The following MEIS2 variants were observed in gnomAD, a reference collection of about 807,000 sequenced individuals.
The protein encoded by MEIS2 is Meis homeobox 2, also known as homeobox protein Meis2.
Under a neutral mutation model 58.6 loss-of-function variants are expected in MEIS2, and 9 were observed. The ratio of observed to expected loss-of-function variants is 0.15; its 90% confidence interval spans 0.09 to 0.27. The LOEUF is 0.27. Ranked by LOEUF, MEIS2 falls within the 10% of genes least tolerant of loss-of-function variation. MEIS2 has a pLI of 1.00. For missense variants in MEIS2, 427 were observed against 635.0 expected, an observed-to-expected ratio of 0.67 and a Z score of 3.52; for synonymous variants, 221 against 228.4, an observed-to-expected ratio of 0.97 and a Z score of 0.29.
At chr15:37,039,705 T>G (rs1316049488) in intron 7 of MEIS2, among the ~76,000 whole-genome samples, 1 of 152,184 alleles carries the variant, frequency 6.6e-6, no homozygotes, top group Non-Finnish European at 1.5e-5. Flanking sequence ...AATTTTAATA[T>G]AAAGCAACCC....
intron 8 of MEIS2, among the ~76,000 whole-genome samples, chr15:36,967,706 A>G (rs1354939951): frequency 6.6e-6 from 1 of 152,138 alleles, no homozygotes; most frequent in Admixed American, 6.5e-5. Flanking sequence ...TAACCAAACC[A>G]CATTGTCTTC....
intron 8 of MEIS2, among the ~76,000 whole-genome samples, chr15:36,968,342 T>G (rs969209270): frequency 1.3e-5 from 2 of 152,308 alleles, no homozygotes; most frequent in Admixed American, 1.3e-4. Context: ...GGATCTTTGA[T>G]AAGCCTGTGG....
intron 7 of MEIS2, among the ~76,000 whole-genome samples, chr15:37,083,353 T>G (rs1596099503): frequency 6.6e-6 from 1 of 152,212 alleles, no homozygotes; most frequent in East Asian, 1.9e-4. Flanking sequence ...TTTTTAAATT[T>G]TATGTGCTTT....
chr15:36,896,286 T>A (rs1365980789), intron 10 of MEIS2, among the ~76,000 whole-genome samples: 1 of 152,170 alleles, frequency 6.6e-6, no homozygotes, highest in Non-Finnish European at 1.5e-5. Flanking sequence ...ACCAAGGAGC[T>A]GTGGGTAACA....
chr15:36,892,254 A>G lies in MEIS2; in HGVS notation c.1353T>C (p.Thr451=), dbSNP rs752138269. The G allele has an allele frequency of 1.9e-6, 3 of 1,614,102 alleles. No homozygotes were observed. The South Asian group carries it at 3.3e-5, about 18-fold the overall frequency. ...ACATTGTGGGGCTCTGTGCTGACAT[A>G]GTCATTCCAGGGTGGGTAGGGGGTC... ...HGGPPTHPGM[T]MSAQSPTMLN... Residue 451 remains threonine, a synonymous_variant, in exon 12 of 12, where the codon ACT becomes ACC. Transcript: ENST00000561208.
intron 8 of MEIS2, among the ~76,000 whole-genome samples, chr15:36,978,868 C>T (rs1329957306): frequency 6.6e-6 from 1 of 152,136 alleles, no homozygotes; most frequent in Non-Finnish European, 1.5e-5. Flanking sequence ...TTTCCAGTTA[C>T]TAGACTGACT....
At chr15:37,066,666 T>C (rs1313565935) in intron 7 of MEIS2, 1 of 152,214 alleles carries the variant, frequency 6.6e-6, no homozygotes, top group Non-Finnish European at 1.5e-5. Flanking sequence ...TGAAAAGTAA[T>C]AGATACAGCA....
At chr15:37,090,926 C>A (rs548542604) in intron 6 of MEIS2, among the ~76,000 whole-genome samples, 1 of 152,130 alleles carries the variant, frequency 6.6e-6, no homozygotes, top group Admixed American at 6.5e-5. Context: ...ACAGATAAAA[C>A]AAGAAAACAA....
intron 7 of MEIS2, among the ~76,000 whole-genome samples, chr15:37,082,118 T>G (rs922570801): frequency 6.6e-6 from 1 of 152,172 alleles, no homozygotes; most frequent in African/African-American, 2.4e-5. Context: ...TGTTAATGAA[T>G]CTACAGAGAG....
At chr15:36,948,488 C>T (rs2058650108) in intron 9 of MEIS2, among the ~76,000 whole-genome samples, 1 of 151,954 alleles carries the variant, frequency 6.6e-6, no homozygotes, top group Non-Finnish European at 1.5e-5. Context: ...TCAAAAAGAA[C>T]AAGATCAAAT....
At position 37,099,581 on chromosome 15, in the gene MEIS2, C is replaced by T; in HGVS notation, c.-115G>A. 2 of 1,448,406 alleles carry T rather than the reference C, an allele frequency of 1.4e-6. No individual in the cohort carries two copies. The highest frequency in any genetic ancestry group is 1.3e-5 in the South Asian group (1 of 76,038). 89.7% of individuals were successfully genotyped at this position (1,448,406 alleles called of 1,614,324 possible). A position where few individuals can be genotyped will look rare whatever the true frequency, so the allele number is the denominator to read the frequency against. On this transcript the variant is annotated 5_prime_UTR_variant, in exon 1 of 12. Transcript: ENST00000561208. ...TTTTTTTTCCAAACCAAAGAGACTT[C>T]TCCCAATTCTCCAATATGCTATTTT...
chr15:36,908,562 AT>A (rs1221116497), intron 9 of MEIS2, among the ~76,000 whole-genome samples: 2 of 152,188 alleles, frequency 1.3e-5, no homozygotes, highest in Non-Finnish European at 2.9e-5. Context: ...TCCTATCAGA[AT>A]TTCCTAAGGT....
intron 7 of MEIS2, among the ~76,000 whole-genome samples, chr15:37,057,908 T>C (rs1471215293): frequency 6.6e-6 from 1 of 151,894 alleles, no homozygotes; most frequent in Non-Finnish European, 1.5e-5. Flanking sequence ...GGGCGTGGAG[T>C]GTAACCATAT....
intron 7 of MEIS2, among the ~76,000 whole-genome samples, chr15:37,078,845 C>T (rs1237914843): frequency 6.6e-6 from 1 of 151,878 alleles, no homozygotes; most frequent in East Asian, 1.9e-4. Flanking sequence ...CAGGAGACAT[C>T]CCTTTACATG....
chr15:36,994,399 G>A (rs1039330154), intron 8 of MEIS2, among the ~76,000 whole-genome samples: 2 of 152,052 alleles, frequency 1.3e-5, no homozygotes, highest in African/African-American at 4.8e-5. Flanking sequence ...ATAATTGGTC[G>A]GATAGTCTTA....
At chr15:36,963,078 A>G (rs1227483576) in intron 8 of MEIS2, among the ~76,000 whole-genome samples, 2 of 152,176 alleles carry the variant, frequency 1.3e-5, no homozygotes, top group Non-Finnish European at 2.9e-5. Flanking sequence ...GGCTCCCCAT[A>G]TAAGAGTGAA....
intron 8 of MEIS2, among the ~76,000 whole-genome samples, chr15:37,020,350 A>G (rs2061483513): frequency 6.6e-6 from 1 of 152,174 alleles, no homozygotes; most frequent in Non-Finnish European, 1.5e-5. Context: ...AGAGAGGAAA[A>G]AAATCCTGAA....
chr15:36,959,015 A>C (rs2059091173), intron 8 of MEIS2, among the ~76,000 whole-genome samples: 3 of 152,208 alleles, frequency 2.0e-5, no homozygotes, highest in Admixed American at 2.0e-4. Context: ...TGAACTGCAA[A>C]AGAAAAACTC....
At chr15:37,051,392 T>G (rs1472223188) in intron 7 of MEIS2, among the ~76,000 whole-genome samples, 1 of 152,180 alleles carries the variant, frequency 6.6e-6, no homozygotes, top group Non-Finnish European at 1.5e-5. Context: ...TTCAAATATA[T>G]TAAATTCTAG....
Sources: allele counts gnomAD v4.1 joint callset (sites outside exome capture counted in the v4.1 genomes callset), GRCh38; gene constraint gnomAD v4.1.1; transcripts MANE v1.5; gene names NCBI Gene and HGNC (gene_info 2026-07-23, HGNC 2026-07-21).